Variants in PRTG observed in about 807,000 individuals in gnomAD.
PRTG encodes protogenin.
A neutral mutation model predicts 122.5 loss-of-function variants in PRTG; 67 were observed. The observed-to-expected ratio is 0.55, with a 90% CI of 0.45 to 0.67. The LOEUF is 0.67. Among genes scored for constraint, PRTG ranks in the 30% least tolerant of loss-of-function variants. The pLI, the probability that PRTG is intolerant of heterozygous loss-of-function variation, is 0.00. For missense variants in PRTG, 1,435 were observed against 1,415.4 expected, an observed-to-expected ratio of 1.01 and a Z score of -0.22; for synonymous variants, 554 against 501.1, an observed-to-expected ratio of 1.11 and a Z score of -1.41.
chr15:55,693,039 G>A (rs1288819359), intron 2 of PRTG, among the ~76,000 whole-genome samples: 8 of 151,182 alleles, frequency 5.3e-5, no homozygotes, highest in African/African-American at 1.2e-4. Flanking sequence ...CAGTAGAGAC[G>A]GGGTTTCACC....
At position 55,615,498 on chromosome 15, in the gene PRTG, A is replaced by G. The variant is rs1567068907; in HGVS notation, c.*4514T>C. The G allele has an allele frequency of 6.6e-6, 1 of 152,234 alleles. No homozygotes were observed. The highest frequency in any genetic ancestry group is 1.9e-4 in the East Asian group (1 of 5,184). The allele number at this position is 152,234 out of a possible 1,614,324, so 9.4% of individuals were successfully genotyped here. A position where few individuals can be genotyped will look rare whatever the true frequency, so the allele number is the denominator to read the frequency against. ...CTGAGCATAAATCAACTTAACACAGAACTCTACGGTTACATTCTTCTAAAC... is the reference window on the plus strand; with the variant it reads ...CTGAGCATAAATCAACTTAACACAGGACTCTACGGTTACATTCTTCTAAAC... On this transcript the variant is annotated 3_prime_UTR_variant, in exon 20 of 20. Transcript: ENST00000389286.
At chr15:55,680,401 T>A in intron 5 of PRTG, 90 bp downstream of exon 5, 4 of 1,369,112 alleles carry the variant, frequency 2.9e-6, no homozygotes, top group Non-Finnish European at 3.9e-6. Context: ...AACCTGTGTT[T>A]TTGTATATAA....
chr15:55,620,093 C>T lies in PRTG; in HGVS notation c.3372G>A (p.Gly1124=). Reference sequence around the variant, plus strand: ...ACTCATGAGAAAACCGCCCAGAATCCCCAGTCTCATGGCTGCCTTCACTAT... The same window carrying T: ...ACTCATGAGAAAACCGCCCAGAATCTCCAGTCTCATGGCTGCCTTCACTAT... ...SANSEGSHET[G]DSGRFSHESN... Residue 1124 remains glycine, a synonymous_variant, in exon 20 of 20, where the codon GGG becomes GGA. Coordinates refer to ENST00000389286, the MANE Select transcript of PRTG (RefSeq NM_173814.6). 1 of 1,614,120 alleles carries T rather than the reference C, an allele frequency of 6.2e-7. No homozygotes were observed. The highest frequency in any genetic ancestry group is 8.5e-7 in the Non-Finnish European group (1 of 1,180,034).
intron 2 of PRTG, among the ~76,000 whole-genome samples, chr15:55,730,748 C>T (rs2031202146): frequency 6.6e-6 from 1 of 152,044 alleles, no homozygotes; most frequent in Non-Finnish European, 1.5e-5. Flanking sequence ...TGCAGTGAGC[C>T]GAGATGGCGC....
intron 12 of PRTG, among the ~76,000 whole-genome samples, chr15:55,640,195 T>C (rs1274040827): frequency 3.9e-5 from 6 of 152,210 alleles, no homozygotes; most frequent in Non-Finnish European, 8.8e-5. Context: ...GCTATAAAAC[T>C]GTATAGCATG....
At chr15:55,739,737 G>T (rs1276463158) in intron 2 of PRTG, among the ~76,000 whole-genome samples, 1 of 152,132 alleles carries the variant, frequency 6.6e-6, no homozygotes, top group African/African-American at 2.4e-5. Flanking sequence ...TAATACAAAA[G>T]AAATCATTAG....
chr15:55,651,163 T>C (rs1222234023), intron 11 of PRTG, among the ~76,000 whole-genome samples: 4 of 151,926 alleles, frequency 2.6e-5, no homozygotes, highest in African/African-American at 9.7e-5. Context: ...TGTAAAAGAG[T>C]ACCTTCCAAA....
At chr15:55,658,372 G>C (rs766576190) in intron 11 of PRTG, among the ~76,000 whole-genome samples, 1 of 151,114 alleles carries the variant, frequency 6.6e-6, no homozygotes, top group Non-Finnish European at 1.5e-5. Context: ...TTGGAGTGTA[G>C]TGGCATGATC....
At chr15:55,672,031 TAATTATATAGC>T (rs1180991763) in intron 11 of PRTG, among the ~76,000 whole-genome samples, 5 of 152,200 alleles carry the variant, frequency 3.3e-5, no homozygotes, top group Non-Finnish European at 4.4e-5. Context: ...ACCTAATTTG[TAATTATATAGC>T]AATTATATAG....
At position 55,614,269 on chromosome 15, in the gene PRTG, A is replaced by G. The variant is rs2059132873; in HGVS notation, c.*5743T>C. 1.3e-5 allele frequency: 2 copies of G among 152,120 alleles called. No homozygotes were observed. Among genetic ancestry groups the G allele is most frequent in the East Asian group, 3.9e-4 (2 of 5,194 alleles). The allele number at this position is 152,120 out of a possible 1,614,324, so 9.4% of individuals were successfully genotyped here. On this transcript the variant is annotated 3_prime_UTR_variant, in exon 20 of 20. Transcript: ENST00000389286. Reference sequence around the variant, plus strand: ...CCAAAAAAGAATGACAAGAAAGATCAAATTTCCTAGGAAATGTATATACAT... The same window carrying G: ...CCAAAAAAGAATGACAAGAAAGATCGAATTTCCTAGGAAATGTATATACAT...
chr15:55,717,601 A>C (rs1448638595), intron 2 of PRTG, among the ~76,000 whole-genome samples: 3 of 152,258 alleles, frequency 2.0e-5, no homozygotes, highest in African/African-American at 4.8e-5. Flanking sequence ...ATTTCATTTA[A>C]TCTAGTGAAC....
intron 11 of PRTG, chr15:55,655,436 T>C (rs1031725661): frequency 6.6e-6 from 1 of 152,212 alleles, no homozygotes; most frequent in African/African-American, 2.4e-5. Flanking sequence ...TCAACAGATC[T>C]AGGTTTCTTA....
rs570644351 is a variant in PRTG, at chr15:55,654,064, C to T, written c.2042-12856G>A. Among the ~76,000 whole-genome samples, 13 of 152,298 alleles carry T rather than the reference C, an allele frequency of 8.5e-5. No individual in the cohort carries two copies. The South Asian group carries it at 2.7e-3, about 32-fold the overall frequency. On this transcript the variant is annotated intron_variant, in intron 11 of 19. Coordinates refer to ENST00000389286, the MANE Select transcript of PRTG (RefSeq NM_173814.6). ...TGATTTACATTCAAACACTGAAAAA[C>T]TAATACGAAAGTGAGATTGGAAGGT...
intron 15 of PRTG, among the ~76,000 whole-genome samples, chr15:55,634,489 G>C (rs2059245426): frequency 6.6e-6 from 1 of 152,114 alleles, no homozygotes; most frequent in African/African-American, 2.4e-5. Context: ...ATTTGGTTAA[G>C]TGCTGTGTCA....
intron 11 of PRTG, among the ~76,000 whole-genome samples, chr15:55,649,068 G>A (rs2059339519): frequency 6.7e-6 from 1 of 149,084 alleles, no homozygotes; most frequent in African/African-American, 2.5e-5. Context: ...CTGCACTCCA[G>A]ACTGAGCAAG....
chr15:55,673,825 A>G (rs182338078), intron 9 of PRTG, 149 bp from the exon 10 acceptor site: 2 of 625,752 alleles, frequency 3.2e-6, no homozygotes, highest in South Asian at 2.1e-5. Context: ...AACAGAGTAC[A>G]AACCAGAAAA....
intron 18 of PRTG, among the ~76,000 whole-genome samples, chr15:55,622,018 G>C (rs1015166023): frequency 5.3e-5 from 8 of 151,972 alleles, no homozygotes; most frequent in African/African-American, 1.9e-4. Context: ...ATCAACTCTA[G>C]GGCTAACCCA....
rs1393863055 is a variant in PRTG, at chr15:55,616,505, A to G, written c.*3507T>C. 6.6e-6 allele frequency: 1 copy of G among 152,160 alleles called. No individual in the cohort carries two copies. The highest frequency in any genetic ancestry group is 1.5e-5 in the Non-Finnish European group (1 of 68,006). 9.4% of individuals were successfully genotyped at this position (152,160 alleles called of 1,614,324 possible). A position where few individuals can be genotyped will look rare whatever the true frequency, so the allele number is the denominator to read the frequency against. On this transcript the variant is annotated 3_prime_UTR_variant, in exon 20 of 20. Coordinates refer to ENST00000389286, the MANE Select transcript of PRTG (RefSeq NM_173814.6). ...TTGCTGATATTTCTGTTGACATTTC[A>G]CACTCAAGGTGCTTTGGAAAGTATC...
intron 15 of PRTG, among the ~76,000 whole-genome samples, chr15:55,636,311 A>G (rs1474687591): frequency 6.6e-6 from 1 of 150,416 alleles, no homozygotes; most frequent in Non-Finnish European, 1.5e-5. Context: ...TTTTTTTTTC[A>G]TATGTGGACC....
Sources: gnomAD v4.1 joint callset for allele counts (sites outside exome capture counted in the v4.1 genomes callset) on GRCh38, gnomAD v4.1.1 for gene constraint, MANE v1.5 for transcripts, NCBI Gene and HGNC (gene_info 2026-07-23, HGNC 2026-07-21) for gene names.